PARD3B: variants seen among roughly 807,000 people sequenced by gnomAD.
PARD3B encodes partitioning defective 3 homolog B.
In PARD3B, 103 loss-of-function variants were observed where a neutral mutation model predicts 130.2. That is an observed-to-expected ratio of 0.79 (90% CI 0.67 to 0.93). PARD3B has a LOEUF of 0.93. Ranked by LOEUF, PARD3B falls within the 40% of genes least tolerant of loss-of-function variation. The pLI is 0.00. For synonymous variants in PARD3B, 583 were observed against 553.2 expected (o/e 1.05, Z -0.76); for missense variants, 1,609 against 1,499.2 (o/e 1.07, Z -1.21).
At chr2:204,793,403 T>C (rs965955841) in intron 2 of PARD3B, among the ~76,000 whole-genome samples, 6 of 152,228 alleles carry the variant, frequency 3.9e-5, no homozygotes, top group Non-Finnish European at 8.8e-5. Context: ...AATATAAATA[T>C]ATATGCTTGT....
intron 1 of PARD3B, among the ~76,000 whole-genome samples, chr2:204,589,225 C>G (rs1473730461): frequency 6.6e-6 from 1 of 152,116 alleles, no homozygotes; most frequent in Non-Finnish European, 1.5e-5. Flanking sequence ...TATAAAACAA[C>G]TACTAGAAAA....
rs1216673298 is a variant in PARD3B, at chr2:205,321,372, CAAAG to C, written c.2630+19674_2630+19677del. Among the ~76,000 whole-genome samples, 1 of 152,008 alleles carries C rather than the reference CAAAG, an allele frequency of 6.6e-6. No homozygotes were observed. The highest frequency in any genetic ancestry group is 6.6e-5 in the Admixed American group (1 of 15,258). On this transcript the variant is annotated intron_variant, in intron 18 of 22. Coordinates refer to ENST00000406610, the MANE Select transcript of PARD3B (RefSeq NM_001302769.2). This position sits in a 1 kb window ranked among gnomAD's most constrained non-coding sequence, Gnocchi z 4.2. Reference sequence around the variant, plus strand: ...ACAGTAAAAGCTACAAAAAATAGCACAAAGAATTTCCTTATACCTTCCGCCCAGA... The same window carrying C: ...ACAGTAAAAGCTACAAAAAATAGCACAATTTCCTTATACCTTCCGCCCAGA...
At chr2:205,005,296 C>A (rs1028184867) in intron 3 of PARD3B, among the ~76,000 whole-genome samples, 38 of 152,116 alleles carry the variant, frequency 2.5e-4, no homozygotes, top group Non-Finnish European at 3.1e-4. Flanking sequence ...AAGTTTGTTA[C>A]ACTGGGAAAG....
At chr2:204,940,925 A>G (rs112404864) in intron 2 of PARD3B, among the ~76,000 whole-genome samples, 4,098 of 78,216 alleles carry the variant, frequency 0.052, 182 homozygotes, top group African/African-American at 0.25. Flanking sequence ...AAAATACAGT[A>G]CAAGAAAAAA....
At chr2:205,432,169 A>G (rs964458465) in intron 19 of PARD3B, among the ~76,000 whole-genome samples, 1 of 152,008 alleles carries the variant, frequency 6.6e-6, no homozygotes, top group Non-Finnish European at 1.5e-5. Flanking sequence ...CATGGATCCA[A>G]TTGCTTCTTA....
rs1215925450 is a variant in PARD3B, at chr2:205,473,694, A to ATATATGTG, written c.3045-26197_3045-26196insGTGTATAT. On this transcript the variant is annotated intron_variant, in intron 20 of 22. Coordinates refer to ENST00000406610, the MANE Select transcript of PARD3B (RefSeq NM_001302769.2). The surrounding 1 kb of genome is among the most constrained non-coding windows in gnomAD (Gnocchi z 4.9). ...TGTGTGTGTGTGTATGTATATATATATATATATATATATATACACACACAC... is the reference window on the plus strand; with the variant it reads ...TGTGTGTGTGTGTATGTATATATATATATATGTGTATATATATATATATACACACACAC... Among the ~76,000 whole-genome samples, 1 of 138,728 alleles carries ATATATGTG rather than the reference A, an allele frequency of 7.2e-6. No individual in the cohort carries two copies. The highest frequency in any genetic ancestry group is 2.9e-5 in the African/African-American group (1 of 34,344). The allele number at this position is 138,728 out of a possible 152,430, so 91.0% of individuals were successfully genotyped here.
At chr2:204,794,050 C>T (rs886317698) in intron 2 of PARD3B, among the ~76,000 whole-genome samples, 1 of 151,800 alleles carries the variant, frequency 6.6e-6, no homozygotes, top group African/African-American at 2.4e-5. Flanking sequence ...TTATTTGATG[C>T]GAGGGGAGAT....
intron 5 of PARD3B, among the ~76,000 whole-genome samples, chr2:205,109,503 T>C (rs986018174): frequency 1.1e-4 from 16 of 152,228 alleles, no homozygotes; most frequent in African/African-American, 3.6e-4. Context: ...TATAAGCTTG[T>C]TTCCTTAGAC....
intron 2 of PARD3B, among the ~76,000 whole-genome samples, chr2:204,952,882 A>T (rs1689895339): frequency 6.6e-6 from 1 of 151,812 alleles, no homozygotes; most frequent in South Asian, 2.1e-4. Flanking sequence ...TTGTAGTCCC[A>T]GCTACTCAAG....
intron 22 of PARD3B, among the ~76,000 whole-genome samples, chr2:205,605,681 A>G (rs1013411588): frequency 2.6e-5 from 4 of 152,102 alleles, no homozygotes; most frequent in Non-Finnish European, 5.9e-5. Context: ...GCTCCTGTAT[A>G]AGGTGTTTGG....
intron 1 of PARD3B, among the ~76,000 whole-genome samples, chr2:204,634,329 T>A (rs1253658899): frequency 6.6e-6 from 1 of 152,222 alleles, no homozygotes; most frequent in African/African-American, 2.4e-5. Flanking sequence ...GATCTCATAT[T>A]TTTATGGCTG....
chr2:204,914,378 A>G (rs988177682), intron 2 of PARD3B, among the ~76,000 whole-genome samples: 3 of 152,338 alleles, frequency 2.0e-5, no homozygotes, highest in East Asian at 3.9e-4. Context: ...TAGGAAGTCA[A>G]AGCCATTTTC....
intron 3 of PARD3B, among the ~76,000 whole-genome samples, chr2:204,968,414 C>T (rs1691435781): frequency 6.6e-6 from 1 of 152,298 alleles, no homozygotes; most frequent in Non-Finnish European, 1.5e-5. Context: ...TTGACTCCTC[C>T]CATTCTTTCT....
At position 205,269,203 on chromosome 2, in the gene PARD3B, A is replaced by T. The variant is rs577906903; in HGVS notation, c.2185+23381A>T. Among the ~76,000 whole-genome samples, 1 of 152,284 alleles carries T rather than the reference A, an allele frequency of 6.6e-6. No individual in the cohort carries two copies. Among genetic ancestry groups the T allele is most frequent in the African/African-American group, 2.4e-5 (1 of 41,560 alleles). The stretch of plus-strand genomic sequence containing the variant: ...ATAAATTCCTACCTAAACAGAAACT[A>T]ACTTTATTGTAATTTTCTAATTCCT... On this transcript the variant is annotated intron_variant, in intron 16 of 22. Transcript: ENST00000406610. This position sits in a 1 kb window ranked among gnomAD's most constrained non-coding sequence, Gnocchi z 4.7.
At chr2:204,991,307 A>T (rs1375183886) in intron 3 of PARD3B, among the ~76,000 whole-genome samples, 1 of 144,004 alleles carries the variant, frequency 6.9e-6, no homozygotes, top group African/African-American at 2.6e-5. Context: ...ATTCCCACCT[A>T]TGAGTGAGAA....
intron 20 of PARD3B, among the ~76,000 whole-genome samples, chr2:205,478,512 G>T (rs999022909): frequency 1.3e-5 from 2 of 152,064 alleles, no homozygotes; most frequent in Admixed American, 1.3e-4. Context: ...ACCCAGAGCC[G>T]GGCTTCATTT....
chr2:205,212,520 A>G (rs2037697392), intron 15 of PARD3B, among the ~76,000 whole-genome samples: 1 of 152,116 alleles, frequency 6.6e-6, no homozygotes, highest in Non-Finnish European at 1.5e-5. Context: ...AGGATTGCCA[A>G]CAAGCTGGGA....
chr2:205,017,055 TAGTG>T (rs1696201549), intron 3 of PARD3B, among the ~76,000 whole-genome samples: 1 of 151,914 alleles, frequency 6.6e-6, no homozygotes, highest in African/African-American at 2.4e-5. Context: ...TAGTAGGAAA[TAGTG>T]AGAAATGATG....
chr2:204,640,417 A>G (rs1010718966), intron 1 of PARD3B, among the ~76,000 whole-genome samples: 2 of 145,644 alleles, frequency 1.4e-5, no homozygotes, highest in African/African-American at 5.6e-5. Context: ...ACAATGGGGG[A>G]GAGCAGTCAG....
Sources: gnomAD v4.1 joint callset for allele counts (sites outside exome capture counted in the v4.1 genomes callset) on GRCh38, gnomAD v4.1.1 for gene constraint, Gnocchi (gnomAD v3.1) non-coding constraint, MANE v1.5 for transcripts, NCBI Gene and HGNC (gene_info 2026-07-23, HGNC 2026-07-21) for gene names.